LSAMP: variants seen among roughly 807,000 people sequenced by gnomAD.
LSAMP encodes the protein limbic system-associated membrane protein.
In LSAMP, 7 loss-of-function variants were observed where a neutral mutation model predicts 38.6. The ratio of observed to expected loss-of-function variants is 0.18; its 90% CI spans 0.10 to 0.34. The LOEUF is 0.34. LSAMP is among the 10% of genes least tolerant of loss of function. The probability of loss-of-function intolerance (pLI) is 1.00; values close to 1 mark genes in which losing one functional copy is unlikely to be tolerated. For missense variants in LSAMP, 313 were observed against 420.0 expected (o/e 0.75, Z 2.23); for synonymous variants, 154 against 166.8 (o/e 0.92, Z 0.59).
intron 3 of LSAMP, among the ~76,000 whole-genome samples, chr3:115,969,033 A>T (rs2107607674): frequency 6.6e-6 from 1 of 152,260 alleles, no homozygotes; most frequent in South Asian, 2.1e-4. Flanking sequence ...CCCTAAGCAC[A>T]CAGATTCTCT....
In LSAMP at chr3:116,126,499, C is replaced by T. The variant is rs1420711392; in HGVS notation, c.156-39943G>A. On this transcript the variant is annotated intron_variant, in intron 1 of 6. Coordinates refer to ENST00000490035, the MANE Select transcript of LSAMP (RefSeq NM_002338.5). ...TTTGTTTTTTGAGCACCTATGTCCACAGTCAGAGCACTATGCTGCCTACTT... is the reference window on the plus strand; with the variant it reads ...TTTGTTTTTTGAGCACCTATGTCCATAGTCAGAGCACTATGCTGCCTACTT... Among the ~76,000 whole-genome samples, 5 of 152,196 alleles carry T rather than the reference C, an allele frequency of 3.3e-5. No homozygotes were observed. The East Asian group carries it at 9.6e-4, about 29-fold the overall frequency.
At position 115,808,827 on chromosome 3, in the gene LSAMP, G is replaced by C. The variant is rs1933713595; in HGVS notation, c.*1490C>G. On this transcript the variant is annotated 3_prime_UTR_variant, in exon 7 of 7. Coordinates refer to ENST00000490035, the MANE Select transcript of LSAMP (RefSeq NM_002338.5). ...TCATTATGGCCAGTGCTCTGTATTA[G>C]AGCTCTGACAGTATCTCCAGAATAC... The C allele has an allele frequency of 6.6e-6, 1 of 152,196 alleles. No individual in the cohort carries two copies. Among genetic ancestry groups the C allele is most frequent in the Non-Finnish European group, 1.5e-5 (1 of 68,046 alleles). 9.4% of individuals were successfully genotyped at this position (152,196 alleles called of 1,614,324 possible).
At chr3:116,340,162 G>C (rs2047973407) in intron 1 of LSAMP, among the ~76,000 whole-genome samples, 2 of 152,012 alleles carry the variant, frequency 1.3e-5, no homozygotes, top group African/African-American at 2.4e-5. Context: ...AATTTAGTCT[G>C]CAGGCTCTCA....
intron 2 of LSAMP, among the ~76,000 whole-genome samples, chr3:116,071,053 T>A (rs75145087): frequency 0.1 from 14,181 of 138,586 alleles, 829 homozygotes; most frequent in Non-Finnish European, 0.13. Context: ...AATAAATAAA[T>A]AATAAATAAA....
chr3:116,215,151 A>G (rs370422541), intron 1 of LSAMP, among the ~76,000 whole-genome samples: 1 of 152,238 alleles, frequency 6.6e-6, no homozygotes, highest in South Asian at 2.1e-4. Flanking sequence ...ATGTGCCATC[A>G]TAATAAGGAA....
intron 2 of LSAMP, among the ~76,000 whole-genome samples, chr3:116,069,991 CAT>C (rs1707561934): frequency 1.3e-5 from 2 of 152,032 alleles, no homozygotes; most frequent in African/African-American, 4.8e-5. Flanking sequence ...TCTGATGAAA[CAT>C]ATAGGAATAT....
Position 115,937,477 on chromosome 3 carries a change from T to TA in LSAMP, c.514+82037dup, listed in dbSNP as rs1937742682. 1.3e-5 allele frequency among the ~76,000 whole-genome samples: 2 copies of TA among 150,894 alleles called. 1 individual carries two copies. The highest frequency in any genetic ancestry group is 4.2e-4 in the South Asian group (2 of 4,790). On this transcript the variant is annotated intron_variant, in intron 3 of 6. Coordinates refer to ENST00000490035, the MANE Select transcript of LSAMP (RefSeq NM_002338.5). ...GCAACAAAGTGACACTCTATCTTTA[T>TA]AAAAAATCAAAAAAATAGCCAAACA...
intron 1 of LSAMP, among the ~76,000 whole-genome samples, chr3:116,444,455 C>T (rs2049477739): frequency 6.7e-6 from 1 of 150,182 alleles, no homozygotes. Context: ...GTACTACTCT[C>T]TGAGAGCCAT....
At chr3:116,443,602 G>A (rs572899675) in intron 1 of LSAMP, among the ~76,000 whole-genome samples, 3 of 152,172 alleles carry the variant, frequency 2.0e-5, no homozygotes, top group South Asian at 2.1e-4. Context: ...TGCTGCTGTC[G>A]GCAGCTCTGC....
intron 3 of LSAMP, among the ~76,000 whole-genome samples, chr3:115,890,709 G>A (rs1936577285): frequency 6.6e-6 from 1 of 151,932 alleles, no homozygotes; most frequent in African/African-American, 2.4e-5. Flanking sequence ...GATGTAGCCA[G>A]TAAGCCTTCA....
At chr3:116,134,996 G>T (rs1709216432) in intron 1 of LSAMP, among the ~76,000 whole-genome samples, 2 of 152,124 alleles carry the variant, frequency 1.3e-5, no homozygotes, top group Non-Finnish European at 2.9e-5. Context: ...GATGTGTAAG[G>T]CACTACAGGA....
chr3:116,200,062 C>G (rs994862830), intron 1 of LSAMP, among the ~76,000 whole-genome samples: 1 of 149,202 alleles, frequency 6.7e-6, no homozygotes, highest in South Asian at 2.2e-4. Flanking sequence ...AGAAAGGTAC[C>G]TTACAGTTTT....
chr3:116,373,042 C>G (rs1203325347), intron 1 of LSAMP, among the ~76,000 whole-genome samples: 1 of 151,386 alleles, frequency 6.6e-6, no homozygotes. Context: ...AATACACTTA[C>G]CATATCATCC....
chr3:116,444,196 CTGCTCTTCAT>C (rs1200654270), intron 1 of LSAMP, among the ~76,000 whole-genome samples: 1 of 152,094 alleles, frequency 6.6e-6, no homozygotes, highest in East Asian at 1.9e-4. Context: ...CCTTTTCTTT[CTGCTCTTCAT>C]ATCTTGTGTT....
chr3:116,008,171 C>T lies in LSAMP; in HGVS notation c.514+11344G>A, dbSNP rs1940214630. Among the ~76,000 whole-genome samples the T allele has an allele frequency of 2.0e-5, 3 of 152,318 alleles. No homozygotes were observed. In the South Asian group the frequency reaches 6.2e-4, roughly 32 times the overall value. The stretch of plus-strand genomic sequence containing the variant: ...ATAATGCTTTTTCATTAATAAATCA[C>T]TTCCGTATGGATTATTTCACTTTAG... On this transcript the variant is annotated intron_variant, in intron 3 of 6. Coordinates refer to ENST00000490035, the MANE Select transcript of LSAMP (RefSeq NM_002338.5).
At chr3:115,955,321 A>G (rs1938421756) in intron 3 of LSAMP, among the ~76,000 whole-genome samples, 3 of 152,148 alleles carry the variant, frequency 2.0e-5, no homozygotes, top group Admixed American at 2.0e-4. Flanking sequence ...TTCAGGTTTC[A>G]TATTTCTCTA....
intron 1 of LSAMP, among the ~76,000 whole-genome samples, chr3:116,157,277 A>G (rs1453203266): frequency 6.6e-6 from 1 of 152,054 alleles, no homozygotes; most frequent in Non-Finnish European, 1.5e-5. Flanking sequence ...CTTTCTCCAT[A>G]ACTTATAGGG....
In LSAMP at chr3:116,221,338, T is replaced by C. The variant is rs1274472729; in HGVS notation, c.156-134782A>G. ...CTCTGCAAGTTAACTCTTGCCCAAG[T>C]TAACACACATGATGAACTAATGGAG... On this transcript the variant is annotated intron_variant, in intron 1 of 6. Coordinates refer to ENST00000490035, the MANE Select transcript of LSAMP (RefSeq NM_002338.5). Among the ~76,000 whole-genome samples the C allele has an allele frequency of 3.3e-5, 5 of 152,252 alleles. 1 individual carries two copies. The highest frequency in any genetic ancestry group is 2.6e-4 in the Admixed American group (4 of 15,298).
At chr3:116,206,468 C>G (rs1321519035) in intron 1 of LSAMP, among the ~76,000 whole-genome samples, 21 of 132,820 alleles carry the variant, frequency 1.6e-4, no homozygotes, top group Admixed American at 2.4e-4. Context: ...TTTGCGCTTG[C>G]TTTTCTAGTT....
Sources: gnomAD v4.1 joint callset for allele counts (sites outside exome capture counted in the v4.1 genomes callset) on GRCh38, gnomAD v4.1.1 for gene constraint, MANE v1.5 for transcripts, NCBI Gene and HGNC (gene_info 2026-07-23, HGNC 2026-07-21) for gene names.